The following PTPN3 variants were observed in gnomAD, a reference collection of about 807,000 sequenced individuals.
PTPN3 encodes the protein tyrosine-protein phosphatase non-receptor type 3.
A neutral mutation model predicts 132.7 loss-of-function variants in PTPN3; 96 were observed. The observed-to-expected ratio is 0.72, with a 90% CI of 0.61 to 0.86. The LOEUF is 0.86. Ranked by LOEUF, PTPN3 falls within the 40% of genes least tolerant of loss-of-function variation. PTPN3 has a pLI of 0.00. For missense variants in PTPN3, 1,125 were observed against 1,159.6 expected (o/e 0.97, Z 0.43); for synonymous variants, 398 against 429.0 (o/e 0.93, Z 0.89).
At chr9:109,386,804 C>T (rs1477187500) in intron 22 of PTPN3, among the ~76,000 whole-genome samples, 1 of 152,170 alleles carries the variant, frequency 6.6e-6, no homozygotes, top group Non-Finnish European at 1.5e-5. Flanking sequence ...AATGACAGGA[C>T]CAGGCAACCC....
intron 5 of PTPN3, chr9:109,449,706 A>T (rs1383556661): frequency 7.1e-6 from 7 of 985,362 alleles, no homozygotes; most frequent in Non-Finnish European, 8.4e-6. Flanking sequence ...CGGGATAGAC[A>T]TTCCATTGTC....
Position 109,408,391 on chromosome 9 carries a change from A to C in PTPN3, c.1579-14T>G. ...ATCCACTCCTCCCTGTAAACATTTT[A>C]AAATAAAAACAAAACAAAGTTTTTT... is the stretch of plus-strand genomic sequence containing the variant. On this transcript the variant is annotated splice_polypyrimidine_tract_variant and intron_variant, in intron 16 of 25. Transcript: ENST00000374541. 1 of 1,573,648 alleles carries C rather than the reference A, an allele frequency of 6.4e-7. No individual in the cohort carries two copies. The highest frequency in any genetic ancestry group is 8.6e-7 in the Non-Finnish European group (1 of 1,159,132).
Position 109,389,277 on chromosome 9 carries a change from A to T in PTPN3, c.2209T>A (p.Leu737Met). The change falls in exon 22 of 26, where the codon TTG becomes ATG. Residue 737 changes from leucine (L) to methionine (M), a missense_variant. By Grantham distance (15) the Leu-to-Met change is conservative. Transcript: ENST00000374541. ...QFWQVVWDQK[L>M]SLIVMLTTLT... ...GTCGTCAACATGACAATGAGTGACA[A>T]CTTCTGATCCCAGACAACCTGCCAA... 1.2e-6 allele frequency: 2 copies of T among 1,614,208 alleles called. No individual in the cohort carries two copies. Among genetic ancestry groups the T allele is most frequent in the Non-Finnish European group, 1.7e-6 (2 of 1,180,028 alleles).
intron 1 of PTPN3, among the ~76,000 whole-genome samples, chr9:109,486,609 GCT>G (rs1428529978): frequency 1.3e-5 from 2 of 152,284 alleles, no homozygotes; most frequent in African/African-American, 2.4e-5. Flanking sequence ...AAGGTGATGA[GCT>G]CTGTTTCAGA....
At chr9:109,399,157 A>G (rs944689168) in intron 19 of PTPN3, among the ~76,000 whole-genome samples, 47 of 152,300 alleles carry the variant, frequency 3.1e-4, no homozygotes, top group African/African-American at 1.1e-3. Context: ...ACAATAAGTT[A>G]AAATTTTATT....
intron 19 of PTPN3, among the ~76,000 whole-genome samples, chr9:109,401,311 G>T (rs1841076316): frequency 6.6e-6 from 1 of 152,150 alleles, no homozygotes; most frequent in Non-Finnish European, 1.5e-5. Context: ...TGCTGATCTT[G>T]TTAAAAGTAT....
chr9:109,463,269 A>C lies in PTPN3; in HGVS notation c.138+28T>G, dbSNP rs1205223438. The C allele has an allele frequency of 3.3e-6, 5 of 1,530,416 alleles. No homozygotes were observed. In the East Asian group the frequency reaches 1.2e-4, roughly 36 times the overall value. 94.8% of individuals were successfully genotyped at this position (1,530,416 alleles called of 1,614,324 possible). ...TTTGTTAGGAGCATTAATTCAGGAA[A>C]AGTAAAAAAAAAAAGTAGAGAACTT... On this transcript the variant is annotated intron_variant, in intron 2 of 25. Transcript: ENST00000374541.
chr9:109,442,786 C>T (rs1238041485), intron 7 of PTPN3, among the ~76,000 whole-genome samples: 2 of 152,094 alleles, frequency 1.3e-5, no homozygotes, highest in Non-Finnish European at 2.9e-5. Context: ...ACTTATTATC[C>T]TCATGGGTCA....
intron 10 of PTPN3, among the ~76,000 whole-genome samples, chr9:109,431,137 T>C (rs759303325): frequency 2.0e-4 from 30 of 152,328 alleles, no homozygotes; most frequent in Non-Finnish European, 2.9e-4. Flanking sequence ...CATCTTGATG[T>C]TGAAGGGTGA....
chr9:109,423,277 A>C (rs1019620223), intron 12 of PTPN3, among the ~76,000 whole-genome samples: 7 of 152,238 alleles, frequency 4.6e-5, no homozygotes, highest in Non-Finnish European at 8.8e-5. Context: ...AATCACTGGT[A>C]AATCTTTGAG....
intron 1 of PTPN3, among the ~76,000 whole-genome samples, chr9:109,467,836 A>G (rs1435015032): frequency 2.6e-5 from 4 of 152,148 alleles, no homozygotes; most frequent in Non-Finnish European, 4.4e-5. Context: ...TGACAAAATA[A>G]AGCCCACCAG....
At chr9:109,533,284 A>G in the PTPN3 span, among the ~76,000 whole-genome samples, 3 of 151,220 alleles carry the variant, frequency 2.0e-5, no homozygotes, top group Non-Finnish European at 2.9e-5. Context: ...AGCTGGGACT[A>G]CAGGCGCCCG....
chr9:109,533,977 C>T, the PTPN3 span: 3 of 761,262 alleles, frequency 3.9e-6, no homozygotes, highest in Non-Finnish European at 7.3e-6. Flanking sequence ...CCTCTGCACC[C>T]TTTTCTCCTT....
chr9:109,455,030 T>C (rs1845488713), intron 4 of PTPN3, among the ~76,000 whole-genome samples: 3 of 152,224 alleles, frequency 2.0e-5, no homozygotes. Context: ...AGCCCCATTT[T>C]ACAGATAAGC....
In PTPN3 at chr9:109,376,038, G is replaced by A. The variant is rs766040901; in HGVS notation, c.*3518C>T. On this transcript the variant is annotated 3_prime_UTR_variant, in exon 26 of 26. Transcript: ENST00000374541. The stretch of plus-strand genomic sequence containing the variant: ...TGTCTTTGCATTCAACAGCGCCAAA[G>A]TCTGAGGGACAAACTCTTGGTGACA... The A allele has an allele frequency of 3.9e-5, 6 of 152,236 alleles. No individual in the cohort carries two copies. Among genetic ancestry groups the A allele is most frequent in the Non-Finnish European group, 7.3e-5 (5 of 68,046 alleles). The allele number at this position is 152,236 out of a possible 1,614,324, so 9.4% of individuals were successfully genotyped here. A position where few individuals can be genotyped will look rare whatever the true frequency, so the allele number is the denominator to read the frequency against.
intron 1 of PTPN3, among the ~76,000 whole-genome samples, chr9:109,472,981 A>C (rs529903891): frequency 6.6e-6 from 1 of 152,378 alleles, no homozygotes; most frequent in African/African-American, 2.4e-5. Context: ...TCTGCTAATG[A>C]ATAACACAGT....
At chr9:109,419,144 T>G (rs1361898960) in intron 14 of PTPN3, among the ~76,000 whole-genome samples, 1 of 152,234 alleles carries the variant, frequency 6.6e-6, no homozygotes, top group African/African-American at 2.4e-5. Context: ...AGCAAAAGCA[T>G]CATCCAAGCT....
At chr9:109,426,405 G>A (rs1038523694) in intron 12 of PTPN3, among the ~76,000 whole-genome samples, 4 of 152,082 alleles carry the variant, frequency 2.6e-5, no homozygotes, top group Non-Finnish European at 5.9e-5. Context: ...TCTCATAGGA[G>A]AGTTGTAAGA....
chr9:109,494,411 C>G (rs1287410253), intron 1 of PTPN3, among the ~76,000 whole-genome samples: 1 of 152,218 alleles, frequency 6.6e-6, no homozygotes, highest in East Asian at 1.9e-4. Context: ...GCACTCCAGC[C>G]TGATGACAGA....
Sources: gnomAD v4.1 joint callset for allele counts (sites outside exome capture counted in the v4.1 genomes callset) on GRCh38, gnomAD v4.1.1 for gene constraint, MANE v1.5 for transcripts, NCBI Gene and HGNC (gene_info 2026-07-23, HGNC 2026-07-21) for gene names.